NCOR2: variants seen among roughly 807,000 people sequenced by gnomAD.
NCOR2 encodes nuclear receptor corepressor 2.
Under a neutral mutation model 262.9 loss-of-function variants are expected in NCOR2, and 81 were observed. The ratio of observed to expected loss-of-function variants is 0.31; its 90% CI spans 0.26 to 0.37. The LOEUF is 0.37. Ranked by LOEUF, NCOR2 falls within the 10% of genes least tolerant of loss-of-function variation. The pLI, the probability that NCOR2 is intolerant of heterozygous loss-of-function variation, is 1.00. For synonymous variants in NCOR2, 1,659 were observed against 1,559.3 expected (o/e 1.06, Z -1.51); for missense variants, 3,385 against 3,621.4 (o/e 0.93, Z 1.68).
chr12:124,428,045 GTGTGTGTGTGTGTGT>G (rs1390124343), intron 10 of NCOR2, among the ~76,000 whole-genome samples: 4 of 16,426 alleles, frequency 2.4e-4, no homozygotes, highest in African/African-American at 4.9e-4. Context: ...CATGTGGCCA[GTGTGTGTGTGTGTGT>G]GTGTGTGTGT....
At chr12:124,513,769 C>T (rs2049552279) in intron 1 of NCOR2, 1 of 152,274 alleles carries the variant, frequency 6.6e-6, no homozygotes, top group Non-Finnish European at 1.5e-5. Flanking sequence ...CTCCCCCACT[C>T]CCCGTACCTA....
Position 124,387,052 on chromosome 12 carries a change from C to G in NCOR2, c.1877-1165G>C, listed in dbSNP as rs1394452900. ...ACATGGCAGCCTCTCTGAGCTGGAG[C>G]TCCACTTGTAAGGACTTTAATGAAG... is the stretch of plus-strand genomic sequence containing the variant. On this transcript the variant is annotated intron_variant, in intron 16 of 46. Transcript: ENST00000405201. 2.6e-4 allele frequency among the ~76,000 whole-genome samples: 40 copies of G among 152,244 alleles called. 1 individual carries two copies. The highest frequency in any genetic ancestry group is 2.6e-3 in the Admixed American group (39 of 15,284).
rs140533177 is a variant in NCOR2, at chr12:124,446,193, A to G, written c.815+3622T>C. On this transcript the variant is annotated intron_variant, in intron 7 of 46. Transcript: ENST00000405201. Reference sequence around the variant, plus strand: ...GGGCACTGCAGATTTCCTGAACATTATGCACCCTCAGCTTGCAAACCTCCC... The same window carrying G: ...GGGCACTGCAGATTTCCTGAACATTGTGCACCCTCAGCTTGCAAACCTCCC... Among the ~76,000 whole-genome samples, 1,406 of 152,220 alleles carry G rather than the reference A, an allele frequency of 9.2e-3. 12 individuals carry two copies. The highest frequency in any genetic ancestry group is 0.024 in the Middle Eastern group (7 of 294).
Position 124,549,238 on chromosome 12 carries a change from G to A in NCOR2, c.-164-13627C>T, listed in dbSNP as rs929458066. ...CAGATGAATTCACGTGGCATGTGCCGCACTGAGACAGGCAGGCACGCAGCT... is the reference window on the plus strand; with the variant it reads ...CAGATGAATTCACGTGGCATGTGCCACACTGAGACAGGCAGGCACGCAGCT... On this transcript the variant is annotated intron_variant, in intron 1 of 32. Coordinates refer to the NCOR2 transcript ENST00000458234. The surrounding 1 kb of genome is among the most constrained non-coding windows in gnomAD (Gnocchi z 4.4). Among the ~76,000 whole-genome samples, 4 of 152,022 alleles carry A rather than the reference G, an allele frequency of 2.6e-5. No individual in the cohort carries two copies. Among genetic ancestry groups the A allele is most frequent in the Non-Finnish European group, 5.9e-5 (4 of 67,994 alleles).
At chr12:124,458,092 C>T (rs1447569513) in intron 5 of NCOR2, among the ~76,000 whole-genome samples, 1 of 152,252 alleles carries the variant, frequency 6.6e-6, no homozygotes, top group Non-Finnish European at 1.5e-5. Context: ...CCTGCTGTGA[C>T]TCAGCTGCAT....
intron 20 of NCOR2, among the ~76,000 whole-genome samples, chr12:124,365,395 G>A (rs938811729): frequency 2.0e-5 from 3 of 152,224 alleles, no homozygotes; most frequent in Admixed American, 6.5e-5. Flanking sequence ...AGCTGCCAGT[G>A]CTGGATGCCT....
chr12:124,394,837 G>A (rs1483911462), intron 16 of NCOR2, among the ~76,000 whole-genome samples: 2 of 152,194 alleles, frequency 1.3e-5, no homozygotes, highest in Non-Finnish European at 2.9e-5. Flanking sequence ...GCAGCCACAG[G>A]AAACATACAG....
intron 43 of NCOR2, 144 bp downstream of exon 45, chr12:124,332,175 G>T (rs906578526): frequency 2.6e-5 from 26 of 995,700 alleles, no homozygotes; most frequent in Non-Finnish European, 3.7e-5. Context: ...TGAGGCAAAG[G>T]GCCTGGGGGG....
chr12:124,335,529 C>G, exon 39 of NCOR2: 2 of 1,609,166 alleles, frequency 1.2e-6, no homozygotes, highest in Non-Finnish European at 1.7e-6. Context: ...TCTTGTCGAG[C>G]TCTTCCAGGT....
intron 7 of NCOR2, 55 bp from the exon 10 acceptor site, chr12:124,438,051 C>T (rs922205704): frequency 3.3e-6 from 5 of 1,530,782 alleles, no homozygotes; most frequent in Non-Finnish European, 2.7e-6. Context: ...AGGCGCTGCA[C>T]CCCGTGCCAT....
intron 3 of NCOR2, among the ~76,000 whole-genome samples, chr12:124,479,454 T>TGC (rs1555228919): frequency 1.4e-5 from 2 of 143,390 alleles, no homozygotes; most frequent in Non-Finnish European, 3.1e-5. Flanking sequence ...CACACACGCA[T>TGC]ACACACACAC....
At chr12:124,546,697 GCCACCGCGC>G (rs1566048145) in intron 1 of NCOR2, among the ~76,000 whole-genome samples, 1 of 152,180 alleles carries the variant, frequency 6.6e-6, no homozygotes, top group Non-Finnish European at 1.5e-5. Flanking sequence ...ACAGGCATGA[GCCACCGCGC>G]CCAGCCAATT....
At chr12:124,537,314 C>T (rs369615260), upstream of NCOR2, among the ~76,000 whole-genome samples, 134 of 152,334 alleles carry the variant, frequency 8.8e-4, no homozygotes, top group African/African-American at 3.1e-3. Context: ...GAGGGCAGAG[C>T]ACTGGACAGT....
At chr12:124,346,828 C>A (rs763173120) in exon 31 of NCOR2, 1 of 1,580,702 alleles carries the variant, frequency 6.3e-7, no homozygotes, top group East Asian at 2.3e-5. Context: ...CCTCCTGTGC[C>A]TCCACGTAGG....
chr12:124,340,723 G>A, exon 35 of NCOR2: 1 of 1,546,758 alleles, frequency 6.5e-7, no homozygotes, highest in South Asian at 1.2e-5. Flanking sequence ...GCACAGGCAG[G>A]TGTGGCACTT....
intron 7 of NCOR2, among the ~76,000 whole-genome samples, chr12:124,448,110 G>A (rs1307102360): frequency 6.6e-6 from 1 of 152,214 alleles, no homozygotes; most frequent in Non-Finnish European, 1.5e-5. Context: ...GGCCTAGAAC[G>A]GGACCTGACA....
chr12:124,326,338 G>A, exon 46 of NCOR2: 2 of 1,532,844 alleles, frequency 1.3e-6, no homozygotes, highest in Non-Finnish European at 8.7e-7. Flanking sequence ...CGGCTGCTGG[G>A]TCTGCCAGAG....
Position 124,334,417 on chromosome 12 carries a change from C to G in NCOR2, c.6605+7G>C. The stretch of plus-strand genomic sequence containing the variant: ...ACCAGCAAGAGGCACCCCCATCCCT[C>G]GCTCACCTCTTGCCCCCTTCGCTGT... On this transcript the variant is annotated splice_region_variant and intron_variant, in intron 41 of 46. Transcript: ENST00000405201. 1 of 1,523,538 alleles carries G rather than the reference C, an allele frequency of 6.6e-7. No homozygotes were observed. The highest frequency in any genetic ancestry group is 1.2e-5 in the South Asian group (1 of 81,728). The allele number at this position is 1,523,538 out of a possible 1,614,324, so 94.4% of individuals were successfully genotyped here.
At chr12:124,344,981 C>T (rs1482332445) in intron 31 of NCOR2, 30 bp from the exon 34 acceptor site, 1 of 1,493,528 alleles carries the variant, frequency 6.7e-7, no homozygotes, top group African/African-American at 1.4e-5. Context: ...AGCTCTAGCC[C>T]TGGCCACAGC....
Sources: allele counts gnomAD v4.1 joint callset (sites outside exome capture counted in the v4.1 genomes callset), GRCh38; gene constraint gnomAD v4.1.1; non-coding constraint Gnocchi (gnomAD v3.1); transcripts MANE v1.5; gene names NCBI Gene and HGNC (gene_info 2026-07-23, HGNC 2026-07-21).